The following CHRDL1 variants were observed in gnomAD, a reference collection of about 807,000 sequenced individuals.
The protein encoded by CHRDL1 is chordin-like protein 1.
Under a neutral mutation model 40.9 loss-of-function variants are expected in CHRDL1, and 19 were observed. The observed-to-expected ratio is 0.46, with a 90% CI of 0.32 to 0.68. The LOEUF is 0.68. Among genes scored for constraint, CHRDL1 ranks in the 30% least tolerant of loss-of-function variants. The probability of loss-of-function intolerance (pLI) is 0.03; values close to 1 mark genes in which losing one functional copy is unlikely to be tolerated. For synonymous variants in CHRDL1, 136 were observed against 123.4 expected (o/e 1.10, Z -0.68); for missense variants, 329 against 352.1 (o/e 0.93, Z 0.53).
At chrX:110,709,544 G>T (rs910521598) in intron 6 of CHRDL1, among the ~76,000 whole-genome samples, 2 of 112,443 alleles carry the variant, frequency 1.8e-5, no homozygotes, top group Non-Finnish European at 3.8e-5. Flanking sequence ...AACTGGCTTA[G>T]AATTTCTCAT....
chrX:110,771,144 C>CAAAAAAAA (rs753915390), intron 2 of CHRDL1, among the ~76,000 whole-genome samples: 7 of 65,549 alleles, frequency 1.1e-4, no homozygotes, highest in African/African-American at 3.8e-4. Context: ...GACTCTGTCT[C>CAAAAAAAA]AAAAAAAAAA....
At chrX:110,730,400 G>T (rs2071136934) in intron 4 of CHRDL1, among the ~76,000 whole-genome samples, 1 of 110,718 alleles carries the variant, frequency 9.0e-6, no homozygotes, top group African/African-American at 3.3e-5. Flanking sequence ...CCAAGCAGTT[G>T]CTTTCTAGCC....
At chrX:110,692,045 C>A (rs2070290746) in intron 8 of CHRDL1, among the ~76,000 whole-genome samples, 1 of 111,067 alleles carries the variant, frequency 9.0e-6, no homozygotes, top group Admixed American at 9.6e-5. Context: ...GGATTCCTAT[C>A]ATTTCTCTTA....
At chrX:110,760,091 G>A (rs2089534748) in intron 3 of CHRDL1, among the ~76,000 whole-genome samples, 1 of 111,812 alleles carries the variant, frequency 8.9e-6, no homozygotes, top group African/African-American at 3.3e-5. Flanking sequence ...AACCTACTCT[G>A]ATTTCATAAT....
At chrX:110,720,778 A>G (rs910616115) in intron 5 of CHRDL1, among the ~76,000 whole-genome samples, 1 of 111,383 alleles carries the variant, frequency 9.0e-6, no homozygotes, top group African/African-American at 3.3e-5. Flanking sequence ...TCCATTTTCT[A>G]GTTCTATTGA....
chrX:110,721,672 T>C (rs1005988194), intron 4 of CHRDL1, 142 bp from the exon 5 acceptor site: 5 of 488,946 alleles, frequency 1.0e-5, no homozygotes, highest in African/African-American at 4.7e-5. Context: ...TTTTGAATAA[T>C]GTTAAAACAG....
intron 10 of CHRDL1, among the ~76,000 whole-genome samples, chrX:110,680,550 T>C (rs770380148): frequency 1.8e-5 from 2 of 112,000 alleles, no homozygotes; most frequent in Non-Finnish European, 3.8e-5. Flanking sequence ...ACTCAAATGT[T>C]TGGACTCTAC....
intron 4 of CHRDL1, among the ~76,000 whole-genome samples, chrX:110,724,657 T>C (rs1417737071): frequency 9.1e-6 from 1 of 110,366 alleles, no homozygotes; most frequent in Non-Finnish European, 1.9e-5. Flanking sequence ...CTTTCCTGCT[T>C]TCAAATTTGT....
In CHRDL1 at chrX:110,689,481, T is replaced by C. The variant is rs1166263704; in HGVS notation, c.779-678A>G. On this transcript the variant is annotated intron_variant, in intron 8 of 11. Transcript: ENST00000372042. The stretch of plus-strand genomic sequence containing the variant: ...ATCTATATATATCTATATATCTATA[T>C]ATCTATATCTCTATATATCTATATA... Among the ~76,000 whole-genome samples the C allele has an allele frequency of 1.1e-4, 4 of 37,468 alleles. No homozygotes were observed. In the East Asian group the frequency reaches 1.3e-3, roughly 12 times the overall value. The allele number at this position is 37,468 out of a possible 115,157, so 32.5% of individuals were successfully genotyped here. A position where few individuals can be genotyped will look rare whatever the true frequency, so the allele number is the denominator to read the frequency against.
chrX:110,753,256 C>A (rs2089392645), intron 4 of CHRDL1, among the ~76,000 whole-genome samples: 1 of 111,981 alleles, frequency 8.9e-6, no homozygotes, highest in African/African-American at 3.2e-5. Context: ...CATGCTACAA[C>A]ATGGGTGAAC....
intron 4 of CHRDL1, among the ~76,000 whole-genome samples, chrX:110,729,383 A>T (rs1196966680): frequency 9.1e-6 from 1 of 109,503 alleles, no homozygotes; most frequent in East Asian, 2.9e-4. Context: ...TGATGACTTA[A>T]CTAGATCTGC....
intron 2 of CHRDL1, among the ~76,000 whole-genome samples, chrX:110,771,495 G>C (rs1485130316): frequency 8.9e-6 from 1 of 112,048 alleles, no homozygotes; most frequent in Non-Finnish European, 1.9e-5. Context: ...TGAGCAAGTG[G>C]GGCTTATCCT....
rs1491498596 is a variant in CHRDL1, at chrX:110,705,304, T to TATATATATATATACACACACAC, written c.542-4584_542-4583insGTGTGTGTGTATATATATATAT. On this transcript the variant is annotated intron_variant, in intron 6 of 11. Transcript: ENST00000372042. ...GACTATATATATATATATATATATA[T>TATATATATATATACACACACAC]ACACACACACATATATATATACACA... Among the ~76,000 whole-genome samples, 3 of 77,591 alleles carry TATATATATATATACACACACAC rather than the reference T, an allele frequency of 3.9e-5. 1 individual carries two copies. The highest frequency in any genetic ancestry group is 1.7e-4 in the African/African-American group (3 of 17,699). 67.4% of individuals were successfully genotyped at this position (77,591 alleles called of 115,157 possible).
chrX:110,695,357 G>A (rs182512151), intron 7 of CHRDL1, among the ~76,000 whole-genome samples: 418 of 111,523 alleles, frequency 3.7e-3, no homozygotes, highest in Non-Finnish European at 5.7e-3. Context: ...TCAAATACTT[G>A]TTGAGTGAAC....
chrX:110,794,874 C>T (rs900573001), intron 1 of CHRDL1, among the ~76,000 whole-genome samples: 3 of 112,058 alleles, frequency 2.7e-5, no homozygotes, highest in Non-Finnish European at 3.8e-5. Context: ...ATTTTCTTTC[C>T]GACAAACAAT....
chrX:110,698,630 C>T (rs1224993676), intron 7 of CHRDL1, among the ~76,000 whole-genome samples: 1 of 112,061 alleles, frequency 8.9e-6, no homozygotes, highest in African/African-American at 3.3e-5. Flanking sequence ...CTGTACCCGA[C>T]CTTTTTTGCT....
chrX:110,787,876 A>G (rs2090041035), intron 2 of CHRDL1, among the ~76,000 whole-genome samples: 1 of 112,865 alleles, frequency 8.9e-6, no homozygotes, highest in Non-Finnish European at 1.9e-5. Flanking sequence ...CTGGTCTATT[A>G]GAAATACATA....
intron 4 of CHRDL1, among the ~76,000 whole-genome samples, chrX:110,742,793 G>A (rs1038999225): frequency 2.7e-5 from 3 of 111,392 alleles, no homozygotes; most frequent in Non-Finnish European, 3.8e-5. Flanking sequence ...AGAGTCTTTC[G>A]CAGTCTCCCT....
In CHRDL1 at chrX:110,688,687, T is replaced by C; in HGVS notation, c.895A>G (p.Lys299Glu). Residue 299 changes from lysine (K) to glutamate (E), a missense_variant, in exon 9 of 12, where the codon AAG becomes GAG. Coordinates refer to ENST00000372042, the MANE Select transcript of CHRDL1 (RefSeq NM_001143981.2). The stretch of plus-strand genomic sequence containing the variant: ...TATCGATTGGGGCAGTGGATTTTCT[T>C]ACACTCTTGCTTGGTGACATTACAA... ...CTCNVTKQEC[K>E]KIHCPNRYPC... 1 of 1,208,840 alleles carries C rather than the reference T, an allele frequency of 8.3e-7. No homozygotes were observed. The highest frequency in any genetic ancestry group is 1.8e-5 in the South Asian group (1 of 56,854).
Sources: allele counts gnomAD v4.1 joint callset (sites outside exome capture counted in the v4.1 genomes callset), GRCh38; gene constraint gnomAD v4.1.1; transcripts MANE v1.5; gene names NCBI Gene and HGNC (gene_info 2026-07-23, HGNC 2026-07-21).